Variants in ADGRV1 observed in about 807,000 individuals in gnomAD.
ADGRV1 encodes G-protein coupled receptor 98.
Under a neutral mutation model 596.2 loss-of-function variants are expected in ADGRV1, and 359 were observed. The ratio of observed to expected loss-of-function variants is 0.60; its 90% CI spans 0.55 to 0.66. The LOEUF (loss-of-function observed/expected upper bound fraction) is 0.66, where lower values mean the gene tolerates loss of function less well. ADGRV1 is among the 30% of genes least tolerant of loss of function. ADGRV1 has a pLI of 0.00. For missense variants in ADGRV1, 7,274 were observed against 7,575.6 expected, an observed-to-expected ratio of 0.96 and a Z score of 1.48; for synonymous variants, 2,681 against 2,679.2, an observed-to-expected ratio of 1.00 and a Z score of -0.02.
chr5:90,884,919 A>G (rs946360605), intron 83 of ADGRV1, among the ~76,000 whole-genome samples: 1 of 152,144 alleles, frequency 6.6e-6, no homozygotes, highest in Non-Finnish European at 1.5e-5. Context: ...AAAGTAATGA[A>G]TCCTACTCTC....
chr5:90,895,428 T>C (rs1451224120), intron 83 of ADGRV1, among the ~76,000 whole-genome samples: 1 of 151,940 alleles, frequency 6.6e-6, no homozygotes, highest in East Asian at 1.9e-4. Flanking sequence ...TCTAAGACAA[T>C]AACAGTCTTG....
chr5:90,921,513 A>G (rs1773872739), intron 83 of ADGRV1, among the ~76,000 whole-genome samples: 1 of 152,202 alleles, frequency 6.6e-6, no homozygotes, highest in Non-Finnish European at 1.5e-5. Context: ...CAAGTAACAT[A>G]AACTTCATCC....
At chr5:90,616,315 C>T (rs1048062503) in intron 2 of ADGRV1, among the ~76,000 whole-genome samples, 21 of 152,132 alleles carry the variant, frequency 1.4e-4, no homozygotes, top group Non-Finnish European at 2.8e-4. Context: ...CATGCAGAAT[C>T]TTACTAATAA....
chr5:90,802,100 T>C (rs1581170004), intron 70 of ADGRV1, among the ~76,000 whole-genome samples: 1 of 152,370 alleles, frequency 6.6e-6, no homozygotes, highest in East Asian at 1.9e-4. Context: ...TTCCGTTTTC[T>C]TGATACTTGA....
At chr5:90,750,727 C>T in intron 53 of ADGRV1, 30 bp downstream of exon 53, 1 of 1,579,282 alleles carries the variant, frequency 6.3e-7, no homozygotes, top group Non-Finnish European at 8.7e-7. Flanking sequence ...ATAGGAAACA[C>T]TTTTAAATTA....
intron 1 of ADGRV1, among the ~76,000 whole-genome samples, chr5:90,601,353 A>T (rs990713653): frequency 2.6e-5 from 4 of 152,200 alleles, no homozygotes; most frequent in Admixed American, 6.5e-5. Context: ...CAGACTTTTT[A>T]GAATATCATA....
intron 76 of ADGRV1, among the ~76,000 whole-genome samples, chr5:90,824,825 A>T (rs1763935458): frequency 6.6e-6 from 1 of 152,200 alleles, no homozygotes; most frequent in Admixed American, 6.5e-5. Context: ...GTTTCCAAGA[A>T]CCTGTCATGG....
intron 31 of ADGRV1, among the ~76,000 whole-genome samples, chr5:90,692,259 G>C (rs1746572222): frequency 6.6e-6 from 1 of 151,976 alleles, no homozygotes; most frequent in Non-Finnish European, 1.5e-5. Flanking sequence ...GTATATTTCA[G>C]ATTTTTTTTA....
At chr5:90,978,731 A>G (rs1043343121) in intron 84 of ADGRV1, among the ~76,000 whole-genome samples, 12 of 152,200 alleles carry the variant, frequency 7.9e-5, no homozygotes, top group Non-Finnish European at 1.5e-4. Context: ...TTAATTAAAA[A>G]TTTAAACACA....
At chr5:90,699,938 G>A (rs920974938) in intron 34 of ADGRV1, among the ~76,000 whole-genome samples, 48 of 152,234 alleles carry the variant, frequency 3.2e-4, no homozygotes, top group Non-Finnish European at 6.0e-4. Context: ...ACACCAAATT[G>A]CTTTTCTTGC....
At chr5:90,673,711 C>T (rs1453468251) in intron 22 of ADGRV1, among the ~76,000 whole-genome samples, 2 of 152,144 alleles carry the variant, frequency 1.3e-5, no homozygotes, top group East Asian at 3.9e-4. Context: ...GCTCTATCCT[C>T]AAGCCCTCAT....
At chr5:90,816,436 G>A (rs1278170945) in intron 75 of ADGRV1, among the ~76,000 whole-genome samples, 2 of 149,916 alleles carry the variant, frequency 1.3e-5, no homozygotes, top group Non-Finnish European at 3.0e-5. Context: ...TATACTTTAA[G>A]TTTTAGGGTA....
rs1554081619 is a variant in ADGRV1 at position 90,683,859 on chromosome 5, A to AT, written c.5944dup (p.Ser1982PhefsTer2). The AT allele has an allele frequency of 5.0e-6, 8 of 1,613,416 alleles. No individual in the cohort carries two copies. Among genetic ancestry groups the AT allele is most frequent in the East Asian group, 2.2e-5 (1 of 44,866 alleles). Reference sequence around the variant, plus strand: ...TAGTGATGATCCATATGGGATATTCATTTTTTCTGAGAAAAACAGACCTGT... The same window carrying AT: ...TAGTGATGATCCATATGGGATATTCATTTTTTTCTGAGAAAAACAGACCTGT... On this transcript the variant is annotated frameshift_variant, in exon 28 of 90. Transcript: ENST00000405460. LOFTEE classifies it high-confidence loss of function.
intron 83 of ADGRV1, among the ~76,000 whole-genome samples, chr5:90,926,931 T>G (rs941150234): frequency 2.4e-4 from 37 of 152,070 alleles, no homozygotes; most frequent in African/African-American, 6.1e-4. Flanking sequence ...AGTTTCCATG[T>G]AGTTGAGCGG....
intron 72 of ADGRV1, 35 bp downstream of exon 72, chr5:90,805,493 A>G (rs1176638482): frequency 6.7e-7 from 1 of 1,500,288 alleles, no homozygotes; most frequent in Non-Finnish European, 9.0e-7. Flanking sequence ...AGTCCTGTAG[A>G]ATATTGGAAG....
At chr5:91,069,161 A>G (rs1290377172) in intron 85 of ADGRV1, among the ~76,000 whole-genome samples, 1 of 152,194 alleles carries the variant, frequency 6.6e-6, no homozygotes, top group Non-Finnish European at 1.5e-5. Flanking sequence ...TAAAGACTTA[A>G]CTGTATAACC....
At chr5:91,123,086 A>G (rs1278740188) in intron 87 of ADGRV1, among the ~76,000 whole-genome samples, 2 of 152,190 alleles carry the variant, frequency 1.3e-5, no homozygotes, top group South Asian at 2.1e-4. Context: ...TGCTAGTCCT[A>G]TGATCATGGG....
intron 52 of ADGRV1, among the ~76,000 whole-genome samples, chr5:90,748,943 T>G (rs1171551827): frequency 6.6e-6 from 1 of 151,858 alleles, no homozygotes; most frequent in Admixed American, 6.6e-5. Context: ...AACCTGTCAT[T>G]CTGTGGGAGA....
intron 1 of ADGRV1, among the ~76,000 whole-genome samples, chr5:90,595,660 A>G (rs558473404): frequency 0.051 from 2,481 of 48,670 alleles, 149 homozygotes; most frequent in African/African-American, 0.17. Context: ...CCGGGCGGGG[A>G]ACTGACCCCC....
Sources: allele counts gnomAD v4.1 joint callset (sites outside exome capture counted in the v4.1 genomes callset), GRCh38; gene constraint gnomAD v4.1.1; transcripts MANE v1.5; gene names NCBI Gene and HGNC (gene_info 2026-07-23, HGNC 2026-07-21).